The following TMEM163 variants were observed in gnomAD, a reference collection of about 807,000 sequenced individuals.
The protein encoded by TMEM163 is transmembrane protein 163.
TMEM163 carries 17 observed loss-of-function variants against 29.3 expected under a neutral mutation model. The observed-to-expected ratio is 0.58, with a 90% CI of 0.40 to 0.87. The LOEUF is 0.87. TMEM163 is among the 40% of genes least tolerant of loss of function. TMEM163 has a pLI of 0.00. For missense variants in TMEM163, 303 were observed against 381.5 expected, an observed-to-expected ratio of 0.79 and a Z score of 1.71; for synonymous variants, 157 against 160.6, an observed-to-expected ratio of 0.98 and a Z score of 0.17.
chr2:134,566,196 T>A (rs1185507484), intron 2 of TMEM163, among the ~76,000 whole-genome samples: 1 of 152,210 alleles, frequency 6.6e-6, no homozygotes, highest in Non-Finnish European at 1.5e-5. Flanking sequence ...AAAAGGAATT[T>A]AAAATAACTG....
chr2:134,552,726 G>A (rs1680960888), intron 2 of TMEM163, among the ~76,000 whole-genome samples: 2 of 136,780 alleles, frequency 1.5e-5, no homozygotes, highest in South Asian at 4.5e-4. Context: ...CAATGGTGCT[G>A]TCTCGGCTCA....
intron 4 of TMEM163, among the ~76,000 whole-genome samples, chr2:134,550,043 G>T (rs1680877656): frequency 6.6e-6 from 1 of 152,164 alleles, no homozygotes. Flanking sequence ...GATATAAAGA[G>T]ATGGAAGTTG....
chr2:134,577,081 C>T (rs540148959), intron 2 of TMEM163, among the ~76,000 whole-genome samples: 1 of 152,318 alleles, frequency 6.6e-6, no homozygotes, highest in African/African-American at 2.4e-5. Flanking sequence ...CAGTATGAGG[C>T]TGAGACCAGC....
At chr2:134,670,386 T>C (rs1683966636) in intron 2 of TMEM163, among the ~76,000 whole-genome samples, 1 of 152,184 alleles carries the variant, frequency 6.6e-6, no homozygotes, top group Admixed American at 6.5e-5. Context: ...GTGCATGGCC[T>C]CCTGTGCTTC....
At chr2:134,544,797 T>C (rs756065814) in intron 4 of TMEM163, among the ~76,000 whole-genome samples, 27 of 152,076 alleles carry the variant, frequency 1.8e-4, no homozygotes, top group Middle Eastern at 3.4e-3. Context: ...TCTGTCTCAA[T>C]AAATAAATAA....
At chr2:134,640,396 C>T (rs1683198331) in intron 2 of TMEM163, among the ~76,000 whole-genome samples, 1 of 152,090 alleles carries the variant, frequency 6.6e-6, no homozygotes, top group Non-Finnish European at 1.5e-5. Flanking sequence ...GGGTGCCTAG[C>T]CTGCAGAAGA....
intron 2 of TMEM163, among the ~76,000 whole-genome samples, chr2:134,709,703 C>G (rs1225560183): frequency 1.3e-5 from 2 of 152,198 alleles, no homozygotes; most frequent in Non-Finnish European, 2.9e-5. Context: ...CCAAAGTTAA[C>G]CTGAAAAGCT....
At chr2:134,682,600 CA>C (rs1684270769) in intron 2 of TMEM163, among the ~76,000 whole-genome samples, 1 of 152,194 alleles carries the variant, frequency 6.6e-6, no homozygotes. Flanking sequence ...GCTACCATAA[CA>C]CACCTATTAG....
At position 134,656,108 on chromosome 2, in the gene TMEM163, T is replaced by A. The variant is rs998324187; in HGVS notation, c.322+57092A>T. ...GAGCTTCCTGGCTGCTTTGTTTACC[T>A]AAGCAAGCCTGGGCAATGACGGGCG... is the stretch of plus-strand genomic sequence containing the variant. On this transcript the variant is annotated intron_variant, in intron 2 of 7. Coordinates refer to ENST00000281924, the MANE Select transcript of TMEM163 (RefSeq NM_030923.5). Among the ~76,000 whole-genome samples the A allele has an allele frequency of 5.1e-4, 74 of 144,052 alleles. 9 individuals carry two copies. The highest frequency in any genetic ancestry group is 2.1e-3 in the African/African-American group (73 of 35,576). The allele number at this position is 144,052 out of a possible 152,430, so 94.5% of individuals were successfully genotyped here.
intron 4 of TMEM163, among the ~76,000 whole-genome samples, chr2:134,507,884 C>T (rs1679861983): frequency 6.6e-6 from 1 of 152,178 alleles, no homozygotes; most frequent in African/African-American, 2.4e-5. Flanking sequence ...GACACACACA[C>T]ACACAGACAC....
At chr2:134,547,198 CAAAA>C (rs1233208088) in intron 4 of TMEM163, among the ~76,000 whole-genome samples, 1 of 152,022 alleles carries the variant, frequency 6.6e-6, no homozygotes, top group Non-Finnish European at 1.5e-5. Context: ...TGCGTTTTAA[CAAAA>C]TAAAATAAAA....
At position 134,674,549 on chromosome 2, in the gene TMEM163, G is replaced by A. The variant is rs557790674; in HGVS notation, c.322+38651C>T. 1.6e-3 allele frequency among the ~76,000 whole-genome samples: 247 copies of A among 151,566 alleles called. 1 individual carries two copies. The highest frequency in any genetic ancestry group is 0.014 in the Middle Eastern group (4 of 292). Reference sequence around the variant, plus strand: ...TAATTTTTTGTATTTTAGTGGAGAAGGGGTTTCACCATGTTGGCCAGGCTG... The same window carrying A: ...TAATTTTTTGTATTTTAGTGGAGAAAGGGTTTCACCATGTTGGCCAGGCTG... On this transcript the variant is annotated intron_variant, in intron 2 of 7. Transcript: ENST00000281924.
At chr2:134,593,200 C>T (rs1681977802) in intron 2 of TMEM163, among the ~76,000 whole-genome samples, 1 of 152,150 alleles carries the variant, frequency 6.6e-6, no homozygotes, top group South Asian at 2.1e-4. Flanking sequence ...AAGGAGAGGG[C>T]AGGATTTAGA....
At chr2:134,709,046 G>T (rs566382190) in intron 2 of TMEM163, among the ~76,000 whole-genome samples, 2 of 152,226 alleles carry the variant, frequency 1.3e-5, no homozygotes, top group East Asian at 3.9e-4. Flanking sequence ...AAATTAACTT[G>T]CACTCAAACC....
At chr2:134,512,557 G>A (rs1331593746) in intron 4 of TMEM163, among the ~76,000 whole-genome samples, 1 of 152,198 alleles carries the variant, frequency 6.6e-6, no homozygotes, top group Non-Finnish European at 1.5e-5. Context: ...ATGTTCCAGG[G>A]AAAAGGAAGG....
In TMEM163 at chr2:134,456,588, G is replaced by T; in HGVS notation, c.*128C>A. On this transcript the variant is annotated 3_prime_UTR_variant, in exon 8 of 8. Transcript: ENST00000281924. ...AGATCCACCTGGCTGGGCAGACCTT[G>T]TCTTGTAATGACAAACCATGTGAAA... 2 of 1,159,994 alleles carry T rather than the reference G, an allele frequency of 1.7e-6. No individual in the cohort carries two copies. The highest frequency in any genetic ancestry group is 1.5e-5 in the African/African-American group (1 of 65,710). 71.9% of individuals were successfully genotyped at this position (1,159,994 alleles called of 1,614,324 possible).
Position 134,655,958 on chromosome 2 carries a change from A to G in TMEM163, c.322+57242T>C, listed in dbSNP as rs1313499650. On this transcript the variant is annotated intron_variant, in intron 2 of 7. Coordinates refer to ENST00000281924, the MANE Select transcript of TMEM163 (RefSeq NM_030923.5). ...AACCACTGCTCTCTTCAAAGCTGTCAGACAGGGACACTTAAGTCTGCAGAG... is the reference window on the plus strand; with the variant it reads ...AACCACTGCTCTCTTCAAAGCTGTCGGACAGGGACACTTAAGTCTGCAGAG... 1.6e-3 allele frequency among the ~76,000 whole-genome samples: 228 copies of G among 144,508 alleles called. 2 individuals are homozygous for G. Among genetic ancestry groups the G allele is most frequent in the African/African-American group, 5.8e-3 (209 of 35,762 alleles). The allele number at this position is 144,508 out of a possible 152,430, so 94.8% of individuals were successfully genotyped here.
chr2:134,491,276 C>T (rs1375142425), intron 5 of TMEM163, among the ~76,000 whole-genome samples: 1 of 152,176 alleles, frequency 6.6e-6, no homozygotes, highest in African/African-American at 2.4e-5. Context: ...ATGAGCGTGT[C>T]TCCCTCACCT....
intron 7 of TMEM163, among the ~76,000 whole-genome samples, chr2:134,457,016 T>C (rs1461586300): frequency 6.6e-6 from 1 of 152,190 alleles, no homozygotes; most frequent in Non-Finnish European, 1.5e-5. Context: ...CTGGCCTCTA[T>C]GGATTTGCCT....
Sources: allele counts gnomAD v4.1 joint callset (sites outside exome capture counted in the v4.1 genomes callset), GRCh38; gene constraint gnomAD v4.1.1; transcripts MANE v1.5; gene names NCBI Gene and HGNC (gene_info 2026-07-23, HGNC 2026-07-21).